MCC: variants seen among roughly 807,000 people sequenced by gnomAD.
MCC encodes the protein colorectal mutant cancer protein.
Under a neutral mutation model 116.2 loss-of-function variants are expected in MCC, and 90 were observed. The ratio of observed to expected loss-of-function variants is 0.77; its 90% CI spans 0.65 to 0.92. MCC has a LOEUF of 0.92. Among genes scored for constraint, MCC ranks in the 40% least tolerant of loss-of-function variants. MCC has a pLI of 0.00. For synonymous variants in MCC, 578 were observed against 510.5 expected, an observed-to-expected ratio of 1.13 and a Z score of -1.78; for missense variants, 1,516 against 1,312.2, an observed-to-expected ratio of 1.16 and a Z score of -2.40.
chr5:113,475,034 A>C (rs1431599924), intron 1 of MCC, among the ~76,000 whole-genome samples: 3 of 152,244 alleles, frequency 2.0e-5, no homozygotes, highest in Non-Finnish European at 2.9e-5. Context: ...AAATGCAGCC[A>C]CATCGTTATG....
At chr5:113,480,482 T>C (rs1188608416) in intron 1 of MCC, among the ~76,000 whole-genome samples, 1 of 152,260 alleles carries the variant, frequency 6.6e-6, no homozygotes, top group Non-Finnish European at 1.5e-5. Context: ...TTGTTCTGTG[T>C]GAATCAGGTT....
chr5:113,115,251 A>C (rs1454030237), intron 6 of MCC, among the ~76,000 whole-genome samples: 1 of 152,178 alleles, frequency 6.6e-6, no homozygotes, highest in African/African-American at 2.4e-5. Context: ...CACCCCTGTC[A>C]CGAGGCCTGA....
intron 6 of MCC, among the ~76,000 whole-genome samples, chr5:113,115,310 GA>G (rs1757334469): frequency 6.6e-6 from 1 of 152,206 alleles, no homozygotes; most frequent in African/African-American, 2.4e-5. Context: ...TGGGTGACCT[GA>G]GAAGCGAAAG....
At chr5:113,038,448 G>A (rs371082715) in intron 17 of MCC, among the ~76,000 whole-genome samples, 14 of 152,200 alleles carry the variant, frequency 9.2e-5, no homozygotes, top group African/African-American at 3.1e-4. Context: ...TAAGAAATGA[G>A]CAATGAAATG....
chr5:113,218,488 G>T (rs981330316), intron 3 of MCC, among the ~76,000 whole-genome samples: 1 of 152,178 alleles, frequency 6.6e-6, no homozygotes, highest in African/African-American at 2.4e-5. Context: ...AGAATAATCA[G>T]TTAAGTGTAT....
chr5:113,270,358 C>T (rs1297255580), intron 3 of MCC, among the ~76,000 whole-genome samples: 2 of 151,936 alleles, frequency 1.3e-5, no homozygotes, highest in Non-Finnish European at 2.9e-5. Flanking sequence ...TGCCCATGTA[C>T]CTGTGCTGAC....
At chr5:113,214,383 G>A (rs1429440667) in intron 3 of MCC, among the ~76,000 whole-genome samples, 1 of 152,226 alleles carries the variant, frequency 6.6e-6, no homozygotes, top group Non-Finnish European at 1.5e-5. Flanking sequence ...TCCATGAACT[G>A]AGTTGCCTTG....
intron 14 of MCC, among the ~76,000 whole-genome samples, chr5:113,059,641 ATG>A (rs1207897548): frequency 6.6e-6 from 1 of 152,186 alleles, no homozygotes; most frequent in Non-Finnish European, 1.5e-5. Flanking sequence ...CTCGCCACAC[ATG>A]TGTGTCTTGC....
At chr5:113,152,564 C>T (rs769698681) in intron 3 of MCC, among the ~76,000 whole-genome samples, 9 of 152,102 alleles carry the variant, frequency 5.9e-5, no homozygotes, top group Non-Finnish European at 8.8e-5. Flanking sequence ...GGACACAGGA[C>T]GATGGTACGT....
chr5:113,035,264 C>T (rs186354942), intron 17 of MCC, among the ~76,000 whole-genome samples: 23 of 152,280 alleles, frequency 1.5e-4, no homozygotes, highest in Non-Finnish European at 3.4e-4. Flanking sequence ...CTCCTCCCCT[C>T]ATCCTTGACA....
chr5:113,384,879 C>A, intron 2 of MCC, 89 bp downstream of exon 2: 1 of 1,478,298 alleles, frequency 6.8e-7, no homozygotes, highest in Non-Finnish European at 9.3e-7. Flanking sequence ...GAGGCTGTGG[C>A]CTCATGATGG....
intron 8 of MCC, among the ~76,000 whole-genome samples, chr5:113,100,917 TTTGA>T (rs1756367706): frequency 6.6e-6 from 1 of 152,146 alleles, no homozygotes; most frequent in Non-Finnish European, 1.5e-5. Flanking sequence ...GAGGGAAGTG[TTTGA>T]TTGAGGAATT....
In MCC at chr5:113,043,437, G is replaced by T; in HGVS notation, c.2756+93C>A. Reference sequence around the variant, plus strand: ...GACATGGGTAAAGTGGAACACATCAGCACCTTCTCCTTTTGGGAGCAGCAA... The same window carrying T: ...GACATGGGTAAAGTGGAACACATCATCACCTTCTCCTTTTGGGAGCAGCAA... On this transcript the variant is annotated intron_variant, in intron 17 of 18. Coordinates refer to ENST00000408903, the MANE Select transcript of MCC (RefSeq NM_001085377.2). The T allele has an allele frequency of 8.7e-7, 1 of 1,151,834 alleles. No homozygotes were observed. Among genetic ancestry groups the T allele is most frequent in the Non-Finnish European group, 1.3e-6 (1 of 782,996 alleles). The allele number at this position is 1,151,834 out of a possible 1,614,324, so 71.4% of individuals were successfully genotyped here. A position where few individuals can be genotyped will look rare whatever the true frequency, so the allele number is the denominator to read the frequency against.
In MCC at chr5:113,043,541, G is replaced by A. The variant is rs201477405; in HGVS notation, c.2745C>T (p.Asn915=). ...SENELAAEFT[N]AIRREKKLKA... is the part of the protein sequence containing the mutation. Reference sequence around the variant, plus strand: ...GAAAGGGTGCTTACCGACGAATGGCGTTGGTGAACTCCGCAGCCAGCTCAT... The same window carrying A: ...GAAAGGGTGCTTACCGACGAATGGCATTGGTGAACTCCGCAGCCAGCTCAT... The change falls in exon 17 of 19, where the codon AAC becomes AAT. Residue 915 remains asparagine, a synonymous_variant. Coordinates refer to ENST00000408903, the MANE Select transcript of MCC (RefSeq NM_001085377.2). The A allele has an allele frequency of 3.0e-5, 48 of 1,613,902 alleles. No individual in the cohort carries two copies. The highest frequency in any genetic ancestry group is 4.5e-5 in the East Asian group (2 of 44,898).
chr5:113,366,440 G>A (rs1409797076), intron 2 of MCC, among the ~76,000 whole-genome samples: 1 of 152,060 alleles, frequency 6.6e-6, no homozygotes, highest in Non-Finnish European at 1.5e-5. Context: ...TTTTAGAACT[G>A]CTTTAATCAC....
intron 3 of MCC, among the ~76,000 whole-genome samples, chr5:113,311,764 G>T (rs1277466877): frequency 6.6e-6 from 1 of 151,088 alleles, no homozygotes; most frequent in African/African-American, 2.4e-5. Context: ...CTGAAGTCAG[G>T]AGTTCAAGAC....
At chr5:113,355,527 A>C (rs1231355232) in intron 2 of MCC, among the ~76,000 whole-genome samples, 1 of 152,050 alleles carries the variant, frequency 6.6e-6, no homozygotes, top group Non-Finnish European at 1.5e-5. Context: ...AAAATACCAA[A>C]ACTTATGTGG....
chr5:113,348,339 C>G (rs1768182452), intron 2 of MCC, among the ~76,000 whole-genome samples: 1 of 151,870 alleles, frequency 6.6e-6, no homozygotes, highest in Non-Finnish European at 1.5e-5. Flanking sequence ...TTAAAACATT[C>G]AAAAAACTGA....
intron 3 of MCC, among the ~76,000 whole-genome samples, chr5:113,336,481 G>C (rs1308617160): frequency 6.6e-6 from 1 of 151,620 alleles, no homozygotes; most frequent in Non-Finnish European, 1.5e-5. Context: ...ATCAAGGTTG[G>C]ACATGGTAAG....
Sources: gnomAD v4.1 joint callset for allele counts (sites outside exome capture counted in the v4.1 genomes callset) on GRCh38, gnomAD v4.1.1 for gene constraint, MANE v1.5 for transcripts, NCBI Gene and HGNC (gene_info 2026-07-23, HGNC 2026-07-21) for gene names.